The following C17orf75 variants were observed in gnomAD, a reference collection of about 807,000 sequenced individuals.
C17orf75 encodes chromosome 17 open reading frame 75.
In C17orf75, 32 loss-of-function variants were observed where a neutral mutation model predicts 49.6. That is an observed-to-expected ratio of 0.65 (90% CI 0.49 to 0.87). C17orf75 has a LOEUF of 0.87. C17orf75 is among the 40% of genes least tolerant of loss of function. The pLI, the probability that C17orf75 is intolerant of heterozygous loss-of-function variation, is 0.00. For synonymous variants in C17orf75, 158 were observed against 159.5 expected (o/e 0.99, Z 0.07); for missense variants, 428 against 473.9 (o/e 0.90, Z 0.90).
At chr17:32,340,793 T>G in intron 2 of C17orf75, 1 of 177,892 alleles carries the variant, frequency 5.6e-6, no homozygotes, top group Non-Finnish European at 1.2e-5. Flanking sequence ...CTACCAGAAA[T>G]ACAAAAATTA....
Position 32,330,855 on chromosome 17 carries a change from T to A in C17orf75, c.*908A>T, listed in dbSNP as rs575502306. Reference sequence around the variant, plus strand: ...GCAGTAGCTTTCTCTCAGAGATAATTATTTTTTTTTTTGAGACAGAGTCTC... The same window carrying A: ...GCAGTAGCTTTCTCTCAGAGATAATAATTTTTTTTTTTGAGACAGAGTCTC... On this transcript the variant is annotated 3_prime_UTR_variant, in exon 10 of 10. Transcript: ENST00000577809. 1 of 152,178 alleles carries A rather than the reference T, an allele frequency of 6.6e-6. No homozygotes were observed. Among genetic ancestry groups the A allele is most frequent in the South Asian group, 2.1e-4 (1 of 4,818 alleles). The allele number at this position is 152,178 out of a possible 1,614,324, so 9.4% of individuals were successfully genotyped here.
intron 1 of C17orf75, among the ~76,000 whole-genome samples, chr17:32,348,494 G>A (rs1288755001): frequency 6.6e-6 from 1 of 152,128 alleles, no homozygotes; most frequent in Non-Finnish European, 1.5e-5. Context: ...TCACTACAAT[G>A]CTTGGCACAC....
intron 9 of C17orf75, 50 bp from the exon 10 acceptor site, chr17:32,332,028 AGCTC>A: frequency 2.0e-6 from 3 of 1,471,552 alleles, no homozygotes; most frequent in African/African-American, 1.4e-5. Context: ...ATAATAATGA[AGCTC>A]AAAAAATAAC....
intron 2 of C17orf75, among the ~76,000 whole-genome samples, chr17:32,340,602 A>T (rs2041369442): frequency 6.6e-6 from 1 of 151,022 alleles, no homozygotes; most frequent in African/African-American, 2.4e-5. Flanking sequence ...CTGAGATCGC[A>T]CCACTGCACT....
At chr17:32,346,452 T>C (rs1331168663), upstream of C17orf75, among the ~76,000 whole-genome samples, 2 of 152,200 alleles carry the variant, frequency 1.3e-5, no homozygotes, top group Non-Finnish European at 2.9e-5. Context: ...GGATATTGCT[T>C]TGTTGCCCAG....
chr17:32,349,855 T>G (rs764826494), intron 1 of C17orf75: 5 of 929,732 alleles, frequency 5.4e-6, no homozygotes, highest in Non-Finnish European at 6.5e-6. Context: ...GCTGTCTCTA[T>G]CTTTATTTGT....
rs536146048 is a variant in C17orf75, at chr17:32,338,047, G to A, written c.492-93C>T. 2.0e-6 allele frequency: 3 copies of A among 1,517,400 alleles called. No homozygotes were observed. In the Admixed American group the frequency reaches 5.6e-5, roughly 28 times the overall value. 94.0% of individuals were successfully genotyped at this position (1,517,400 alleles called of 1,614,324 possible). ...TAAAATCTCTCAAATAATGTGAGCTGCAAATGCAAACAAGCCAAGGCAAAA... is the reference window on the plus strand; with the variant it reads ...TAAAATCTCTCAAATAATGTGAGCTACAAATGCAAACAAGCCAAGGCAAAA... On this transcript the variant is annotated intron_variant, in intron 4 of 9. Transcript: ENST00000577809.
At chr17:32,338,401 C>A in intron 3 of C17orf75, 50 bp from the exon 4 acceptor site, 1 of 1,553,646 alleles carries the variant, frequency 6.4e-7, no homozygotes, top group Non-Finnish European at 8.7e-7. Context: ...ACTCATGCAT[C>A]TATAATTTTG....
At chr17:32,342,660 G>A (rs972341907), upstream of C17orf75, among the ~76,000 whole-genome samples, 4 of 152,242 alleles carry the variant, frequency 2.6e-5, no homozygotes, top group East Asian at 1.9e-4. Context: ...AAAAGGCCGG[G>A]CACGGTGGCT....
chr17:32,331,682 C>T lies in C17orf75; in HGVS notation c.*81G>A. The T allele has an allele frequency of 9.0e-7, 1 of 1,112,320 alleles. No individual in the cohort carries two copies. The highest frequency in any genetic ancestry group is 1.6e-5 in the African/African-American group (1 of 64,324). The allele number at this position is 1,112,320 out of a possible 1,614,324, so 68.9% of individuals were successfully genotyped here. On this transcript the variant is annotated 3_prime_UTR_variant, in exon 10 of 10. Transcript: ENST00000577809. The stretch of plus-strand genomic sequence containing the variant: ...TTTCAAATCATCTTAAATAGCAATC[C>T]TATGAACAATTATAACTGCAATTTC...
intron 1 of C17orf75, chr17:32,349,923 C>T (rs2041468334): frequency 9.3e-7 from 1 of 1,081,040 alleles, no homozygotes; most frequent in African/African-American, 1.6e-5. Flanking sequence ...GTTTTCCATT[C>T]GCATGCCCCT....
chr17:32,339,297 A>G (rs1259081038), intron 3 of C17orf75, among the ~76,000 whole-genome samples: 2 of 152,114 alleles, frequency 1.3e-5, no homozygotes, highest in African/African-American at 4.8e-5. Context: ...AAAACTACAT[A>G]AAAGTTTGTG....
Position 32,331,998 on chromosome 17 carries a change from T to A in C17orf75, c.976-20A>T, listed in dbSNP as rs776517667. 1 of 1,578,874 alleles carries A rather than the reference T, an allele frequency of 6.3e-7. No individual in the cohort carries two copies. Among genetic ancestry groups the A allele is most frequent in the Non-Finnish European group, 8.7e-7 (1 of 1,154,498 alleles). ...TATGGCCTAGAAAATGATTACCCAG[T>A]TAAAAATGTGTTAAGTGAAATAATA... On this transcript the variant is annotated intron_variant, in intron 9 of 9. Transcript: ENST00000577809.
chr17:32,334,359 C>T (rs2041305066), intron 8 of C17orf75, 110 bp downstream of exon 8: 2 of 1,318,384 alleles, frequency 1.5e-6, no homozygotes, highest in African/African-American at 1.5e-5. Flanking sequence ...TTGAGATAAC[C>T]ATGTAAAACT....
intron 8 of C17orf75, 25 bp from the exon 9 acceptor site, chr17:32,333,545 A>C: frequency 6.6e-7 from 1 of 1,519,724 alleles, no homozygotes; most frequent in Non-Finnish European, 9.0e-7. Context: ...AGAGAGACTA[A>C]ATAAAATGAA....
chr17:32,332,318 T>A (rs2041282853), intron 9 of C17orf75, among the ~76,000 whole-genome samples: 1 of 152,138 alleles, frequency 6.6e-6, no homozygotes, highest in Non-Finnish European at 1.5e-5. Context: ...AATTTTGTAT[T>A]TTCAGTAGAG....
chr17:32,338,137 G>A (rs2041343570), intron 4 of C17orf75, 71 bp downstream of exon 4: 1 of 1,578,250 alleles, frequency 6.3e-7, no homozygotes, highest in African/African-American at 1.4e-5. Context: ...TTGGAGGTTG[G>A]TAGTAATATT....
chr17:32,346,730 G>A (rs768990100), upstream of C17orf75, among the ~76,000 whole-genome samples: 1 of 152,034 alleles, frequency 6.6e-6, no homozygotes, highest in Non-Finnish European at 1.5e-5. Context: ...ACGCCACTAG[G>A]CCCAGCTAAT....
At chr17:32,349,883 C>T in intron 1 of C17orf75, 2 of 1,039,468 alleles carry the variant, frequency 1.9e-6, no homozygotes, top group Non-Finnish European at 2.3e-6. Flanking sequence ...CCTAACTGCA[C>T]TGGCAATCTT....
Sources: gnomAD v4.1 joint callset for allele counts (sites outside exome capture counted in the v4.1 genomes callset) on GRCh38, gnomAD v4.1.1 for gene constraint, MANE v1.5 for transcripts, NCBI Gene and HGNC (gene_info 2026-07-23, HGNC 2026-07-21) for gene names.